VPS13B: variants seen among roughly 807,000 people sequenced by gnomAD.
VPS13B encodes the protein vacuolar protein sorting 13 homolog B.
A neutral mutation model predicts 426.4 loss-of-function variants in VPS13B; 285 were observed. The observed-to-expected ratio is 0.67, with a 90% CI of 0.61 to 0.74. The LOEUF (loss-of-function observed/expected upper bound fraction) is 0.74, where lower values mean the gene tolerates loss of function less well. VPS13B is among the 30% of genes least tolerant of loss of function. The probability of loss-of-function intolerance (pLI) is 0.00; values close to 1 mark genes in which losing one functional copy is unlikely to be tolerated. For missense variants in VPS13B, 4,537 were observed against 4,782.6 expected (o/e 0.95, Z 1.51); for synonymous variants, 1,676 against 1,676.4 (o/e 1.00, Z 0.01).
At chr8:99,740,345 G>C (rs1334347823) in intron 39 of VPS13B, among the ~76,000 whole-genome samples, 1 of 152,238 alleles carries the variant, frequency 6.6e-6, no homozygotes, top group Non-Finnish European at 1.5e-5. Flanking sequence ...ATCTACGTCT[G>C]ACTGGTGTAC....
At chr8:99,178,017 C>T (rs79041285) in intron 16 of VPS13B, among the ~76,000 whole-genome samples, 2,129 of 151,444 alleles carry the variant, frequency 0.014, 51 homozygotes, top group African/African-American at 0.048. Context: ...AAGAACTCTA[C>T]GTTGTTAATG....
At chr8:99,536,727 C>G (rs1384140695) in intron 30 of VPS13B, 2 of 534,170 alleles carry the variant, frequency 3.7e-6, no homozygotes, top group Admixed American at 3.9e-5. Context: ...GACAGCATGT[C>G]TTTGGCATTA....
At chr8:99,872,407 T>C (rs1323205498) in intron 61 of VPS13B, among the ~76,000 whole-genome samples, 1 of 152,174 alleles carries the variant, frequency 6.6e-6, no homozygotes, top group African/African-American at 2.4e-5. Context: ...CTGGGGATGA[T>C]ACTTAAGGCT....
chr8:99,119,876 T>C (rs1043616082), intron 7 of VPS13B, among the ~76,000 whole-genome samples: 2 of 152,046 alleles, frequency 1.3e-5, no homozygotes, highest in Non-Finnish European at 2.9e-5. Context: ...ATGGTGTTTT[T>C]TTTTTGTTTG....
chr8:99,135,554 A>G, intron 10 of VPS13B, 42 bp from the exon 11 acceptor site: 1 of 1,603,242 alleles, frequency 6.2e-7, no homozygotes, highest in Non-Finnish European at 8.5e-7. Flanking sequence ...TAACAGGCTA[A>G]TGGTTTTTCT....
intron 33 of VPS13B, among the ~76,000 whole-genome samples, chr8:99,598,237 G>A (rs1390424005): frequency 6.6e-6 from 1 of 151,986 alleles, no homozygotes; most frequent in Non-Finnish European, 1.5e-5. Flanking sequence ...CTCCCACATC[G>A]ATAATAGTCA....
chr8:99,016,182 C>T (rs1841604362), intron 2 of VPS13B, among the ~76,000 whole-genome samples: 1 of 152,166 alleles, frequency 6.6e-6, no homozygotes, highest in Non-Finnish European at 1.5e-5. Context: ...GTGAAGAAAG[C>T]TTCCATAAAC....
At chr8:99,829,323 T>C (rs1347582856) in intron 51 of VPS13B, among the ~76,000 whole-genome samples, 1 of 152,186 alleles carries the variant, frequency 6.6e-6, no homozygotes, top group Non-Finnish European at 1.5e-5. Context: ...TCTAATCTTT[T>C]CATGCTTTAT....
intron 3 of VPS13B, among the ~76,000 whole-genome samples, chr8:99,065,867 C>T (rs1844467659): frequency 6.6e-6 from 1 of 152,174 alleles, no homozygotes. Context: ...TAATAACAGA[C>T]AGAGAGCCAA....
intron 55 of VPS13B, among the ~76,000 whole-genome samples, chr8:99,853,097 T>A (rs2130915377): frequency 6.6e-6 from 1 of 152,240 alleles, no homozygotes; most frequent in Admixed American, 6.5e-5. Context: ...CTTTTTCAAT[T>A]TAGGGAGTCT....
At chr8:99,873,974 A>G (rs1475658659) in intron 61 of VPS13B, among the ~76,000 whole-genome samples, 2 of 152,232 alleles carry the variant, frequency 1.3e-5, no homozygotes, top group Non-Finnish European at 2.9e-5. Context: ...GAATTTTGGA[A>G]GGAATTAATT....
At chr8:99,581,054 G>A (rs936834474) in intron 33 of VPS13B, among the ~76,000 whole-genome samples, 19 of 150,070 alleles carry the variant, frequency 1.3e-4, no homozygotes, top group African/African-American at 4.7e-4. Context: ...ATGGTGGCAT[G>A]TGCCTTTAGT....
chr8:99,730,586 A>G (rs185171268), intron 39 of VPS13B, among the ~76,000 whole-genome samples: 1 of 152,302 alleles, frequency 6.6e-6, no homozygotes, highest in Admixed American at 6.5e-5. Flanking sequence ...AGATTAACTC[A>G]GTAAATACAG....
intron 17 of VPS13B, among the ~76,000 whole-genome samples, chr8:99,213,423 T>C (rs1468283943): frequency 6.6e-6 from 1 of 152,194 alleles, no homozygotes; most frequent in Non-Finnish European, 1.5e-5. Flanking sequence ...TAATATTATT[T>C]GTAACTTGGA....
chr8:99,356,904 AT>A (rs1324429264), intron 19 of VPS13B, among the ~76,000 whole-genome samples: 1 of 151,852 alleles, frequency 6.6e-6, no homozygotes, highest in African/African-American at 2.4e-5. Flanking sequence ...TAATCATCCA[AT>A]TTCCTTTGTA....
At chr8:99,558,478 A>G (rs145499349) in intron 31 of VPS13B, among the ~76,000 whole-genome samples, 1 of 152,046 alleles carries the variant, frequency 6.6e-6, no homozygotes, top group Admixed American at 6.6e-5. Flanking sequence ...CTTACATATG[A>G]ATACATGTGC....
chr8:99,543,275 C>T (rs1197873179), intron 30 of VPS13B, among the ~76,000 whole-genome samples: 4 of 152,178 alleles, frequency 2.6e-5, no homozygotes, highest in Non-Finnish European at 1.5e-5. Context: ...AAAGCTGAAA[C>T]TCAATCCCTT....
rs184372274 is a variant in VPS13B at position 99,351,139 on chromosome 8, C to A, written c.2825-33069C>A. Among the ~76,000 whole-genome samples the A allele has an allele frequency of 3.4e-3, 517 of 152,238 alleles. 14 individuals are homozygous for A. The highest frequency in any genetic ancestry group is 0.032 in the Admixed American group (494 of 15,288). On this transcript the variant is annotated intron_variant, in intron 19 of 61. Coordinates refer to ENST00000357162, the MANE Select transcript of VPS13B (RefSeq NM_152564.5). ...AGATTTTTGAATTGAAAATGCTATT[C>A]TGAAATAAGGCCATTTGCCAACAAA... is the stretch of plus-strand genomic sequence containing the variant.
In VPS13B at chr8:99,853,588, CG is replaced by C; in HGVS notation, c.10202del (p.Gly3401GlufsTer29). 6.2e-7 allele frequency: 1 copy of C among 1,614,134 alleles called. No homozygotes were observed. The highest frequency in any genetic ancestry group is 1.1e-5 in the South Asian group (1 of 91,078). On this transcript the variant is annotated frameshift_variant, in exon 56 of 62. Transcript: ENST00000357162. LOFTEE classifies it high-confidence loss of function. ...TLDNIFLCVAPGAGPLPGEEP... is the reference protein window; with the variant it reads ...TLDNIFLCVAXGAGPLPGEEP... ...GACAACATTTTTCTCTGTGTGGCCC[CG>C]GGAGCTGGTCCCCTCCCTGGGGAAG... is the stretch of plus-strand genomic sequence containing the variant.
Sources: allele counts gnomAD v4.1 joint callset (sites outside exome capture counted in the v4.1 genomes callset), GRCh38; gene constraint gnomAD v4.1.1; transcripts MANE v1.5; gene names NCBI Gene and HGNC (gene_info 2026-07-23, HGNC 2026-07-21).